TPM1: variants seen among roughly 807,000 people sequenced by gnomAD.
The protein encoded by TPM1 is tropomyosin 1, also known as tropomyosin alpha-1 chain.
A neutral mutation model predicts 42.9 loss-of-function variants in TPM1; 24 were observed. The ratio of observed to expected loss-of-function variants is 0.56; its 90% confidence interval spans 0.41 to 0.79. The LOEUF (loss-of-function observed/expected upper bound fraction) is 0.79. TPM1 is among the 30% of genes least tolerant of loss of function. The pLI, the probability that TPM1 is intolerant of heterozygous loss-of-function variation, is 0.00. For missense variants in TPM1, 158 were observed against 351.8 expected (o/e 0.45, Z 4.41); for synonymous variants, 136 against 130.1 (o/e 1.05, Z -0.31).
rs1596365410 is a variant in TPM1, at chr15:63,058,062, G to GAAGAT, written c.374+945_374+949dup. The stretch of plus-strand genomic sequence containing the variant: ...AGTGATTTCAGACTTTAGGATTAAA[G>GAAGAT]AAGATTTTTAGCTAAACTTTTTAGG... On this transcript the variant is annotated intron_variant, in intron 3 of 9. Transcript: ENST00000403994. Among the ~76,000 whole-genome samples the GAAGAT allele has an allele frequency of 2.6e-5, 4 of 152,308 alleles. No homozygotes were observed. The East Asian group carries it at 7.7e-4, about 29-fold the overall frequency.
chr15:63,053,940 A>G (rs1466300529), intron 2 of TPM1, among the ~76,000 whole-genome samples: 1 of 151,872 alleles, frequency 6.6e-6, no homozygotes, highest in South Asian at 2.1e-4. Context: ...CGGCCTCCCA[A>G]AGTGCTGGGA....
At position 63,048,371 on chromosome 15, in the gene TPM1, G is replaced by GCGCC. The variant is rs777824379; in HGVS notation, c.240+4224_240+4227dup. On this transcript the variant is annotated intron_variant, in intron 2 of 9. Transcript: ENST00000403994. ...CGGCGCGCGCCCCTCCCAGCCGCGCGCGCCCGCCTGCGGTTTGTCTGCGCA... is the reference window on the plus strand; with the variant it reads ...CGGCGCGCGCCCCTCCCAGCCGCGCGCGCCCGCCCGCCTGCGGTTTGTCTGCGCA... 981 of 1,317,284 alleles carry GCGCC rather than the reference G, an allele frequency of 7.4e-4. 2 individuals carry two copies. Among genetic ancestry groups the GCGCC allele is most frequent in the Middle Eastern group, 1.5e-3 (6 of 4,128 alleles). The allele number at this position is 1,317,284 out of a possible 1,614,324, so 81.6% of individuals were successfully genotyped here. A position where few individuals can be genotyped will look rare whatever the true frequency, so the allele number is the denominator to read the frequency against.
At position 63,064,667 on chromosome 15, in the gene TPM1, T is replaced by G. The variant is rs1431500426; in HGVS notation, c.851+525T>G. The stretch of plus-strand genomic sequence containing the variant: ...CTACAAAAGATCATCTCTTTTACTT[T>G]TAAGAATTCTAGAGTAGGCCGGGCA... On this transcript the variant is annotated intron_variant, in intron 9 of 9. Coordinates refer to ENST00000403994, the MANE Select transcript of TPM1 (RefSeq NM_001018005.2). 4.0e-6 allele frequency: 4 copies of G among 997,460 alleles called. No homozygotes were observed. The African/African-American group carries it at 7.0e-5, about 17-fold the overall frequency. The allele number at this position is 997,460 out of a possible 1,614,324, so 61.8% of individuals were successfully genotyped here.
In TPM1 at chr15:63,042,769, C is replaced by A; in HGVS notation, c.-61C>A. ...CGCGCTCGCACTCCCGCTCCTCCGCCCGACCGCGCGCTCGCCCCGCCGCTC... is the reference window on the plus strand; with the variant it reads ...CGCGCTCGCACTCCCGCTCCTCCGCACGACCGCGCGCTCGCCCCGCCGCTC... On this transcript the variant is annotated 5_prime_UTR_variant, in exon 1 of 10. Transcript: ENST00000403994. The A allele has an allele frequency of 6.9e-7, 1 of 1,459,848 alleles. No homozygotes were observed. 90.4% of individuals were successfully genotyped at this position (1,459,848 alleles called of 1,614,324 possible).
chr15:63,066,546 G>A (rs2036286232), downstream of TPM1, among the ~76,000 whole-genome samples: 1 of 152,218 alleles, frequency 6.6e-6, no homozygotes, highest in African/African-American at 2.4e-5. Flanking sequence ...CTAATGAAAG[G>A]CTCATGATGA....
downstream of TPM1, among the ~76,000 whole-genome samples, chr15:63,066,522 G>A (rs1218902232): frequency 6.6e-6 from 1 of 152,144 alleles, no homozygotes; most frequent in Non-Finnish European, 1.5e-5. Flanking sequence ...CCTTACTTGG[G>A]AGGACCTGGC....
chr15:63,066,623 T>G (rs1433754097), downstream of TPM1, among the ~76,000 whole-genome samples: 1 of 152,236 alleles, frequency 6.6e-6, no homozygotes, highest in Non-Finnish European at 1.5e-5. Flanking sequence ...AGAACTTGGA[T>G]TCAAACAATG....
chr15:63,052,163 TAAAAG>T (rs1439900510), intron 2 of TPM1, among the ~76,000 whole-genome samples: 28 of 152,126 alleles, frequency 1.8e-4, no homozygotes, highest in Non-Finnish European at 1.0e-4. Context: ...ACTTTTGAAA[TAAAAG>T]AAACTAGCAT....
intron 2 of TPM1, chr15:63,045,473 T>C (rs1402697458): frequency 6.6e-6 from 1 of 152,248 alleles, no homozygotes; most frequent in Non-Finnish European, 1.5e-5. Flanking sequence ...GCAGATCAGA[T>C]GCCTGCTCTA....
intron 2 of TPM1, chr15:63,046,394 A>G (rs2032383134): frequency 6.6e-6 from 1 of 152,264 alleles, no homozygotes; most frequent in African/African-American, 2.4e-5. Context: ...GGGAGAAGTC[A>G]GCTTCCTGAG....
In TPM1 at chr15:63,060,967, C is replaced by T. The variant is rs199686192; in HGVS notation, c.563+28C>T. The T allele has an allele frequency of 8.8e-5, 142 of 1,612,990 alleles. 1 individual carries two copies. In the East Asian group the frequency reaches 2.5e-3, roughly 29 times the overall value. ...AAGCGGGCCCGGCGCCAGGAGGCCA[C>T]GAATGGGGTGCTGCAGAGCAGTGAC... On this transcript the variant is annotated intron_variant, in intron 5 of 9. Coordinates refer to ENST00000403994, the MANE Select transcript of TPM1 (RefSeq NM_001018005.2).
At chr15:63,069,720 C>G (rs745902360), downstream of TPM1, 4 of 954,596 alleles carry the variant, frequency 4.2e-6, no homozygotes, top group Non-Finnish European at 4.9e-6. Context: ...GGACAGGTGA[C>G]TATGGGGTAA....
In TPM1 at chr15:63,044,029, G is replaced by A; in HGVS notation, c.117G>A (p.Leu39=). The A allele has an allele frequency of 1.2e-6, 2 of 1,613,856 alleles. No homozygotes were observed. Among genetic ancestry groups the A allele is most frequent in the Non-Finnish European group, 1.7e-6 (2 of 1,179,936 alleles). The change falls in exon 2 of 10, where the codon CTG becomes CTA. Residue 39 remains leucine (L), a splice_region_variant and synonymous_variant. Coordinates refer to ENST00000403994, the MANE Select transcript of TPM1 (RefSeq NM_001018005.2). The part of the protein sequence containing the change: ...KKAAEDRSKQ[L]EDELVSLQKK... Reference sequence around the variant, plus strand: ...TGTACCCCCTGGCCAACTCCCAGCTGGAAGATGAGCTGGTGTCACTGCAAA... The same window carrying A: ...TGTACCCCCTGGCCAACTCCCAGCTAGAAGATGAGCTGGTGTCACTGCAAA...
intron 2 of TPM1, among the ~76,000 whole-genome samples, chr15:63,055,241 A>T (rs768366769): frequency 2.0e-5 from 3 of 152,152 alleles, no homozygotes; most frequent in Non-Finnish European, 2.9e-5. Context: ...TTTATTTCAC[A>T]TTTGCCCTGC....
At chr15:63,068,881 G>A (rs928899786), downstream of TPM1, among the ~76,000 whole-genome samples, 5 of 152,184 alleles carry the variant, frequency 3.3e-5, no homozygotes, top group Admixed American at 2.0e-4. Context: ...GGGCGCGGTG[G>A]CTCATGCCTG....
intron 1 of TPM1, chr15:63,043,177 C>A: frequency 1.8e-6 from 1 of 563,494 alleles, no homozygotes; most frequent in Non-Finnish European, 3.2e-6. Flanking sequence ...CCATGGCCCG[C>A]GAAATCAAGT....
At chr15:63,048,353 C>T in intron 2 of TPM1, 2 of 1,220,596 alleles carry the variant, frequency 1.6e-6, no homozygotes, top group African/African-American at 1.6e-5. Flanking sequence ...CCACGGCGCG[C>T]GCCCCTCCCA....
At chr15:63,045,597 AG>A (rs2032230896) in intron 2 of TPM1, 1 of 152,260 alleles carries the variant, frequency 6.6e-6, no homozygotes, top group Non-Finnish European at 1.5e-5. Context: ...TATAAGGAAA[AG>A]AATGCAGAGA....
intron 8 of TPM1, chr15:63,062,992 G>T: frequency 7.3e-7 from 1 of 1,368,316 alleles, no homozygotes; most frequent in Non-Finnish European, 9.4e-7. Flanking sequence ...TAATTAAATT[G>T]GGAATGATGT....
Sources: allele counts gnomAD v4.1 joint callset (sites outside exome capture counted in the v4.1 genomes callset), GRCh38; gene constraint gnomAD v4.1.1; transcripts MANE v1.5; gene names NCBI Gene and HGNC (gene_info 2026-07-23, HGNC 2026-07-21).